The following CC2D2A variants were observed in gnomAD, a reference collection of about 807,000 sequenced individuals.
The protein encoded by CC2D2A is coiled-coil and C2 domain-containing protein 2A.
A neutral mutation model predicts 212.9 loss-of-function variants in CC2D2A; 155 were observed. That is an observed-to-expected ratio of 0.73 (90% CI 0.64 to 0.83). The LOEUF is 0.83. Ranked by LOEUF, CC2D2A falls within the 40% of genes least tolerant of loss-of-function variation. The pLI is 0.00. For missense variants in CC2D2A, 1,856 were observed against 1,956.2 expected, an observed-to-expected ratio of 0.95 and a Z score of 0.97; for synonymous variants, 667 against 686.5, an observed-to-expected ratio of 0.97 and a Z score of 0.44.
chr4:15,513,236 C>T (rs1716674709), intron 8 of CC2D2A, among the ~76,000 whole-genome samples: 2 of 152,216 alleles, frequency 1.3e-5, no homozygotes, highest in Admixed American at 6.5e-5. Context: ...TGACAGCTAA[C>T]TTCCCAAAAG....
intron 33 of CC2D2A, among the ~76,000 whole-genome samples, chr4:15,592,563 C>T (rs866928327): frequency 1.3e-5 from 2 of 152,158 alleles, no homozygotes; most frequent in Non-Finnish European, 2.9e-5. Flanking sequence ...TTTCCCCCTC[C>T]GTAGTTTACT....
At chr4:15,570,758 AG>A (rs1720123796) in intron 28 of CC2D2A, among the ~76,000 whole-genome samples, 1 of 150,994 alleles carries the variant, frequency 6.6e-6, no homozygotes, top group Non-Finnish European at 1.5e-5. Flanking sequence ...CGGGAGGCTG[AG>A]GCAGGAGAAT....
chr4:15,480,935 C>A, intron 4 of CC2D2A, 108 bp downstream of exon 4: 9 of 1,347,116 alleles, frequency 6.7e-6, no homozygotes, highest in Non-Finnish European at 9.0e-6. Flanking sequence ...TGCATTGCCA[C>A]TGCTGCTCCA....
chr4:15,592,529 C>G (rs936139083), intron 33 of CC2D2A, among the ~76,000 whole-genome samples: 3 of 152,184 alleles, frequency 2.0e-5, no homozygotes, highest in Non-Finnish European at 4.4e-5. Context: ...AAAATCACAA[C>G]TAATGTTCTT....
intron 13 of CC2D2A, among the ~76,000 whole-genome samples, chr4:15,529,381 C>CA (rs200728529): frequency 0.022 from 2,733 of 122,278 alleles, 48 homozygotes; most frequent in African/African-American, 0.057. Context: ...GACCTTGACT[C>CA]AAAAAAAAAA....
intron 4 of CC2D2A, among the ~76,000 whole-genome samples, chr4:15,500,099 G>GTATATATATATATATA (rs71179633): frequency 4.4e-4 from 31 of 69,792 alleles, no homozygotes; most frequent in African/African-American, 1.0e-3. Context: ...GTGTGTGTGT[G>GTATATATATATATATA]TGTGTGTGTA....
At chr4:15,471,837 T>A (rs1713850890) in intron 1 of CC2D2A, among the ~76,000 whole-genome samples, 2 of 152,204 alleles carry the variant, frequency 1.3e-5, no homozygotes, top group African/African-American at 4.8e-5. Flanking sequence ...GGAGTTGAGA[T>A]GCGTTGTATC....
rs1193481399 is a variant in CC2D2A, at chr4:15,567,491, T to C, written c.3288+9T>C. 8.1e-6 allele frequency: 13 copies of C among 1,607,486 alleles called. No individual in the cohort carries two copies. The highest frequency in any genetic ancestry group is 4.5e-5 in the East Asian group (2 of 44,768). On this transcript the variant is annotated intron_variant, in intron 25 of 36. Transcript: ENST00000424120. ...ACTACCCCCTCGGCCAGGTGAGAGA[T>C]GCTGGACTTCAGCTTTCCACCTTGC...
At chr4:15,471,654 G>T (rs960159843) in intron 1 of CC2D2A, among the ~76,000 whole-genome samples, 2 of 149,498 alleles carry the variant, frequency 1.3e-5, no homozygotes, top group African/African-American at 2.4e-5. Flanking sequence ...GTGTCTCAGA[G>T]AAGGGAGGGC....
chr4:15,562,425 C>T (rs1719655391), intron 23 of CC2D2A, among the ~76,000 whole-genome samples: 1 of 152,224 alleles, frequency 6.6e-6, no homozygotes, highest in African/African-American at 2.4e-5. Context: ...ATGAACGTTT[C>T]TCCTATGATT....
chr4:15,530,133 G>A (rs1717766501), intron 13 of CC2D2A, among the ~76,000 whole-genome samples: 1 of 151,996 alleles, frequency 6.6e-6, no homozygotes, highest in South Asian at 2.1e-4. Flanking sequence ...CACTACGCCA[G>A]GCTAATTTTT....
chr4:15,471,285 C>A, intron 1 of CC2D2A, among the ~76,000 whole-genome samples: 1 of 152,030 alleles, frequency 6.6e-6, no homozygotes, highest in East Asian at 1.9e-4. Context: ...TCAGAAGCAC[C>A]ATAAATGGAA....
At chr4:15,482,087 T>C (rs1171129675) in intron 4 of CC2D2A, 1 of 985,316 alleles carries the variant, frequency 1.0e-6, no homozygotes, top group East Asian at 1.1e-4. Flanking sequence ...CACTTTTTAA[T>C]TGTTACATAA....
At chr4:15,518,162 A>G (rs1716992855) in intron 11 of CC2D2A, among the ~76,000 whole-genome samples, 1 of 152,086 alleles carries the variant, frequency 6.6e-6, no homozygotes, top group South Asian at 2.1e-4. Flanking sequence ...AACTCCCCCA[A>G]AGTTTTAACT....
chr4:15,558,722 G>A (rs1425824654), intron 21 of CC2D2A, among the ~76,000 whole-genome samples: 1 of 152,062 alleles, frequency 6.6e-6, no homozygotes, highest in African/African-American at 2.4e-5. Context: ...CAGAAAAGGG[G>A]AGAGGCCTGA....
At chr4:15,580,499 G>A (rs1720614858) in intron 30 of CC2D2A, among the ~76,000 whole-genome samples, 1 of 152,032 alleles carries the variant, frequency 6.6e-6, no homozygotes, top group African/African-American at 2.4e-5. Flanking sequence ...TTAGCCTGGT[G>A]TGGTGGTGCA....
At chr4:15,483,379 C>T (rs1216615561) in intron 4 of CC2D2A, among the ~76,000 whole-genome samples, 1 of 152,162 alleles carries the variant, frequency 6.6e-6, no homozygotes, top group African/African-American at 2.4e-5. Flanking sequence ...TGGAAACACA[C>T]AGATGTATGT....
At chr4:15,597,602 C>A in intron 35 of CC2D2A, 137 bp downstream of exon 35, 2 of 724,046 alleles carry the variant, frequency 2.8e-6, no homozygotes, top group Non-Finnish European at 4.8e-6. Flanking sequence ...ATTCCAAATA[C>A]AGATGTGATC....
chr4:15,522,023 A>G lies in CC2D2A; in HGVS notation c.1149+5267A>G, dbSNP rs147752697. 2.6e-5 allele frequency among the ~76,000 whole-genome samples: 4 copies of G among 151,952 alleles called. No homozygotes were observed. The East Asian group carries it at 7.8e-4, about 29-fold the overall frequency. On this transcript the variant is annotated intron_variant, in intron 11 of 36. Transcript: ENST00000424120. ...AGAACAGCCTGGACAACATAGTGAGACCCCCCTACCTCTACAAAAAATAAA... is the reference window on the plus strand; with the variant it reads ...AGAACAGCCTGGACAACATAGTGAGGCCCCCCTACCTCTACAAAAAATAAA...
Sources: allele counts gnomAD v4.1 joint callset (sites outside exome capture counted in the v4.1 genomes callset), GRCh38; gene constraint gnomAD v4.1.1; transcripts MANE v1.5; gene names NCBI Gene and HGNC (gene_info 2026-07-23, HGNC 2026-07-21).